Variants in ARL15 observed in about 807,000 individuals in gnomAD.
ARL15 encodes ADP-ribosylation factor-like protein 15.
Under a neutral mutation model 25.2 loss-of-function variants are expected in ARL15, and 19 were observed. The ratio of observed to expected loss-of-function variants is 0.75; its 90% CI spans 0.53 to 1.10. ARL15 has a LOEUF of 1.10. Among genes scored for constraint, ARL15 ranks in the 50% least tolerant of loss-of-function variants. The pLI is 0.00. For missense variants in ARL15, 220 were observed against 246.0 expected, an observed-to-expected ratio of 0.89 and a Z score of 0.71; for synonymous variants, 94 against 86.8, an observed-to-expected ratio of 1.08 and a Z score of -0.46.
intron 4 of ARL15, among the ~76,000 whole-genome samples, chr5:54,055,849 G>A (rs1243826007): frequency 2.0e-5 from 3 of 152,000 alleles, no homozygotes; most frequent in Admixed American, 6.6e-5. Context: ...TTGTCACATT[G>A]TATTATAATT....
intron 4 of ARL15, among the ~76,000 whole-genome samples, chr5:53,888,672 A>T (rs1744621273): frequency 6.6e-6 from 1 of 152,160 alleles, no homozygotes; most frequent in South Asian, 2.1e-4. Flanking sequence ...CATCCAAGAC[A>T]ATCTGAAATT....
At chr5:54,188,516 G>A (rs1755301393) in intron 1 of ARL15, among the ~76,000 whole-genome samples, 1 of 151,912 alleles carries the variant, frequency 6.6e-6, no homozygotes, top group Non-Finnish European at 1.5e-5. Context: ...CAATAATATT[G>A]GATACCAAGG....
At chr5:53,955,663 G>A (rs1747127129) in intron 4 of ARL15, among the ~76,000 whole-genome samples, 1 of 152,182 alleles carries the variant, frequency 6.6e-6, no homozygotes, top group Non-Finnish European at 1.5e-5. Flanking sequence ...CAAGAGTAAG[G>A]CAATTTAAAA....
chr5:53,936,092 GA>G (rs1256831046), intron 4 of ARL15, among the ~76,000 whole-genome samples: 2 of 150,860 alleles, frequency 1.3e-5, no homozygotes, highest in Non-Finnish European at 3.0e-5. Context: ...GGAAAAAAAA[GA>G]AAATGAAATC....
chr5:54,160,001 C>T (rs1754355524), intron 2 of ARL15, among the ~76,000 whole-genome samples: 1 of 152,230 alleles, frequency 6.6e-6, no homozygotes, highest in East Asian at 1.9e-4. Context: ...CCCCTTCCCT[C>T]AAGTCTGAGT....
rs7710256 is a variant in ARL15 at position 54,247,785 on chromosome 5, T to C, written c.48+62647A>G. ...AACATCCTTACTCAATATAACATAC[T>C]AATTTATGGACAAATGCTTGTCAGG... is the stretch of plus-strand genomic sequence containing the variant. On this transcript the variant is annotated intron_variant, in intron 1 of 4. Transcript: ENST00000504924. 4.7e-3 allele frequency among the ~76,000 whole-genome samples: 717 copies of C among 152,236 alleles called. 5 individuals are homozygous for C. The highest frequency in any genetic ancestry group is 0.016 in the African/African-American group (679 of 41,530).
chr5:54,154,582 C>G lies in ARL15; in HGVS notation c.251G>C (p.Gly84Ala), dbSNP rs1754166160. The G allele has an allele frequency of 1.3e-6, 2 of 1,523,846 alleles. No individual in the cohort carries two copies. Among genetic ancestry groups the G allele is most frequent in the South Asian group, 2.6e-5 (2 of 78,392 alleles). The allele number at this position is 1,523,846 out of a possible 1,614,324, so 94.4% of individuals were successfully genotyped here. A position where few individuals can be genotyped will look rare whatever the true frequency, so the allele number is the denominator to read the frequency against. ...QNAILNVKEL[G>A]GADNIRKYWS... ...AGAAATGATTTGAAATGTTATACCT[C>G]CAAGTTCTTTTACATTCAAGATGGC... The change falls in exon 3 of 5, where the codon GGA (glycine) becomes GCA (alanine). Residue 84 changes from glycine (G) to alanine (A), a missense_variant and splice_region_variant. Transcript: ENST00000504924.
chr5:54,079,833 G>T (rs146349415), intron 4 of ARL15, among the ~76,000 whole-genome samples: 1 of 152,006 alleles, frequency 6.6e-6, no homozygotes, highest in African/African-American at 2.4e-5. Context: ...AGCCAGGCCT[G>T]GTGGCACATG....
chr5:53,964,404 T>G (rs13161285), intron 4 of ARL15, among the ~76,000 whole-genome samples: 37,773 of 151,872 alleles, frequency 0.25, 4,718 homozygotes, highest in East Asian at 0.31. Context: ...CTGTCCCCCA[T>G]GCTGGAGTGC....
intron 4 of ARL15, among the ~76,000 whole-genome samples, chr5:54,036,079 GT>G (rs1486833153): frequency 6.6e-6 from 1 of 151,780 alleles, no homozygotes; most frequent in Middle Eastern, 3.2e-3. Context: ...GAGCCCAGGG[GT>G]TCAAAGTTGC....
chr5:54,075,946 G>A (rs1344820155), intron 4 of ARL15, among the ~76,000 whole-genome samples: 2 of 152,154 alleles, frequency 1.3e-5, no homozygotes, highest in Non-Finnish European at 2.9e-5. Flanking sequence ...CACTGACTCT[G>A]CAGTTTGTCT....
chr5:54,259,604 A>G (rs1757448168), intron 1 of ARL15, among the ~76,000 whole-genome samples: 1 of 152,226 alleles, frequency 6.6e-6, no homozygotes, highest in Admixed American at 6.5e-5. Flanking sequence ...GGAGGTCATC[A>G]ACATTCAGAC....
At chr5:53,930,368 G>T (rs1746160209) in intron 4 of ARL15, among the ~76,000 whole-genome samples, 1 of 152,130 alleles carries the variant, frequency 6.6e-6, no homozygotes, top group Non-Finnish European at 1.5e-5. Flanking sequence ...GTATCATCAG[G>T]GCAGCTTGAA....
chr5:54,145,210 C>A (rs1310034413), intron 3 of ARL15, among the ~76,000 whole-genome samples: 3 of 152,190 alleles, frequency 2.0e-5, no homozygotes, highest in Non-Finnish European at 4.4e-5. Flanking sequence ...GCTTCACACA[C>A]TTGTACCAAC....
At chr5:53,908,851 T>C (rs1745363027) in intron 4 of ARL15, among the ~76,000 whole-genome samples, 1 of 152,196 alleles carries the variant, frequency 6.6e-6, no homozygotes, top group Admixed American at 6.5e-5. Context: ...GTGTAGGATA[T>C]ATTCAGATTT....
intron 1 of ARL15, among the ~76,000 whole-genome samples, chr5:54,260,884 C>T (rs1757482892): frequency 6.6e-6 from 1 of 152,184 alleles, no homozygotes; most frequent in Non-Finnish European, 1.5e-5. Flanking sequence ...CACCAATCCC[C>T]CAAGTATCCC....
intron 4 of ARL15, among the ~76,000 whole-genome samples, chr5:54,013,027 T>C (rs987188757): frequency 2.1e-5 from 3 of 145,656 alleles, no homozygotes; most frequent in South Asian, 4.4e-4. Context: ...CTTGAACTCC[T>C]GACCTCAGGT....
intron 3 of ARL15, among the ~76,000 whole-genome samples, chr5:54,117,989 A>G (rs1398816637): frequency 6.6e-6 from 1 of 152,152 alleles, no homozygotes; most frequent in African/African-American, 2.4e-5. Context: ...AACATTTGGA[A>G]GCTCTACACT....
At chr5:54,157,728 A>G (rs1188635547) in intron 2 of ARL15, among the ~76,000 whole-genome samples, 1 of 152,156 alleles carries the variant, frequency 6.6e-6, no homozygotes, top group Admixed American at 6.5e-5. Context: ...AATATTATTT[A>G]TAGGCATATA....
Sources: gnomAD v4.1 joint callset for allele counts (sites outside exome capture counted in the v4.1 genomes callset) on GRCh38, gnomAD v4.1.1 for gene constraint, MANE v1.5 for transcripts, NCBI Gene and HGNC (gene_info 2026-07-23, HGNC 2026-07-21) for gene names.